EFCAB3: variants seen among roughly 807,000 people sequenced by gnomAD.
EFCAB3 encodes the protein EF-hand calcium-binding domain-containing protein 3.
Under a neutral mutation model 42.2 loss-of-function variants are expected in EFCAB3, and 36 were observed. The observed-to-expected ratio is 0.85, with a 90% CI of 0.65 to 1.13. The LOEUF is 1.13. Among genes scored for constraint, EFCAB3 ranks in the 50% most tolerant of loss-of-function variants. The pLI is 0.00. For synonymous variants in EFCAB3, 170 were observed against 172.8 expected (o/e 0.98, Z 0.13); for missense variants, 418 against 505.1 (o/e 0.83, Z 1.65).
intron 9 of EFCAB3, 55 bp downstream of exon 9, chr17:62,413,909 A>G (rs2070521948): frequency 1.3e-5 from 20 of 1,553,586 alleles, no homozygotes; most frequent in Non-Finnish European, 1.7e-5. Flanking sequence ...AATATTGTCC[A>G]CTTCAATACT....
At chr17:62,378,804 T>C (rs1216896123), upstream of EFCAB3, among the ~76,000 whole-genome samples, 6 of 151,752 alleles carry the variant, frequency 4.0e-5, no homozygotes, top group African/African-American at 1.5e-4. Context: ...GAGATAGCAT[T>C]AGGAGAAATA....
At chr17:62,399,188 C>CTTTT in intron 6 of EFCAB3, among the ~76,000 whole-genome samples, 1 of 146,978 alleles carries the variant, frequency 6.8e-6, no homozygotes, top group Non-Finnish European at 1.5e-5. Flanking sequence ...AAGCCAAAGT[C>CTTTT]TTTTTTTTTT....
intron 2 of EFCAB3, among the ~76,000 whole-genome samples, chr17:62,387,059 T>A (rs1202034349): frequency 6.6e-6 from 1 of 152,018 alleles, no homozygotes; most frequent in East Asian, 1.9e-4. Flanking sequence ...CCCAAAGGGG[T>A]AGGAGTACAG....
intron 2 of EFCAB3, among the ~76,000 whole-genome samples, chr17:62,386,797 G>GT (rs141144491): frequency 0.096 from 14,495 of 150,430 alleles, 910 homozygotes; most frequent in South Asian, 0.27. Flanking sequence ...TTTGGGGTTT[G>GT]TTTTTTTTTG....
At chr17:62,401,458 T>A (rs1271929858) in intron 6 of EFCAB3, among the ~76,000 whole-genome samples, 5 of 152,202 alleles carry the variant, frequency 3.3e-5, no homozygotes, top group Admixed American at 2.0e-4. Flanking sequence ...CTTGAATTAA[T>A]TTTTGTATAA....
chr17:62,379,056 G>C (rs911398802), upstream of EFCAB3, among the ~76,000 whole-genome samples: 1 of 152,108 alleles, frequency 6.6e-6, no homozygotes, highest in African/African-American at 2.4e-5. Context: ...ACAACCCACA[G>C]AATAGGGAAA....
chr17:62,396,282 C>T (rs1326215845), intron 6 of EFCAB3, among the ~76,000 whole-genome samples: 1 of 152,062 alleles, frequency 6.6e-6, no homozygotes, highest in Non-Finnish European at 1.5e-5. Flanking sequence ...CAGCTGGGCG[C>T]GGTGGCTCAT....
chr17:62,397,372 C>G (rs972921999), intron 6 of EFCAB3: 3 of 336,032 alleles, frequency 8.9e-6, no homozygotes, highest in African/African-American at 6.6e-5. Context: ...TTAGCTCTTT[C>G]ACTCAGGCCC....
rs2543428 is a variant in EFCAB3, at chr17:62,416,466, G to C, written c.*137G>C. The C allele has an allele frequency of 2.0e-6, 1 of 503,010 alleles. No individual in the cohort carries two copies. The highest frequency in any genetic ancestry group is 3.3e-6 in the Non-Finnish European group (1 of 303,998). The allele number at this position is 503,010 out of a possible 1,614,324, so 31.2% of individuals were successfully genotyped here. On this transcript the variant is annotated 3_prime_UTR_variant, in exon 10 of 10. Transcript: ENST00000305286. ...CTTTTGGATTCTGACCAGTAAAAAAGTTTAAGTCATAAAATGGTTTCCCTT... is the reference window on the plus strand; with the variant it reads ...CTTTTGGATTCTGACCAGTAAAAAACTTTAAGTCATAAAATGGTTTCCCTT...
chr17:62,410,455 G>T (rs570878402), intron 8 of EFCAB3, among the ~76,000 whole-genome samples: 3 of 151,972 alleles, frequency 2.0e-5, no homozygotes, highest in East Asian at 3.9e-4. Context: ...CTATGACCAC[G>T]TTAAAATATT....
At chr17:62,400,915 A>G (rs959300023) in intron 6 of EFCAB3, among the ~76,000 whole-genome samples, 1 of 152,104 alleles carries the variant, frequency 6.6e-6, no homozygotes, top group Admixed American at 6.6e-5. Flanking sequence ...CCTCTCCAGC[A>G]CCTGTTGTTT....
intron 1 of EFCAB3, 194 bp downstream of exon 1, chr17:62,380,807 G>A (rs780689861): frequency 3.9e-4 from 66 of 167,362 alleles, no homozygotes; most frequent in Admixed American, 3.5e-3. Context: ...CAGATTTTGA[G>A]GACTTGTAAT....
At chr17:62,381,817 G>T (rs878857765) in intron 1 of EFCAB3, 11 of 433,270 alleles carry the variant, frequency 2.5e-5, no homozygotes, top group African/African-American at 6.1e-5. Context: ...AATGGAAAAA[G>T]CATTGAAGAT....
At chr17:62,373,987 G>A (rs1052764181) in intron 2 of EFCAB3, 2 of 505,660 alleles carry the variant, frequency 4.0e-6, no homozygotes, top group Non-Finnish European at 6.7e-6. Flanking sequence ...TCTATATTTA[G>A]CAAATGAAAA....
intron 4 of EFCAB3, among the ~76,000 whole-genome samples, chr17:62,392,507 C>A (rs1420247604): frequency 1.3e-5 from 2 of 152,038 alleles, no homozygotes; most frequent in Non-Finnish European, 2.9e-5. Flanking sequence ...GACATGTTAC[C>A]AAGAGAATTC....
In EFCAB3 at chr17:62,380,601, G is replaced by A. The variant is rs547026482; in HGVS notation, c.-30G>A. On this transcript the variant is annotated 5_prime_UTR_variant, in exon 1 of 10. Coordinates refer to ENST00000305286, the MANE Select transcript of EFCAB3 (RefSeq NM_173503.4). ...GAAGCCCAGAAGTGGTAGGTAGCAC[G>A]GCTTAAAAGTAGGTAAATATCGTGA... 351 of 985,288 alleles carry A rather than the reference G, an allele frequency of 3.6e-4. No homozygotes were observed. The highest frequency in any genetic ancestry group is 1.5e-3 in the South Asian group (31 of 21,284). 61.0% of individuals were successfully genotyped at this position (985,288 alleles called of 1,614,324 possible). A position where few individuals can be genotyped will look rare whatever the true frequency, so the allele number is the denominator to read the frequency against.
At chr17:62,404,264 G>A (rs2070429948) in intron 6 of EFCAB3, among the ~76,000 whole-genome samples, 1 of 152,178 alleles carries the variant, frequency 6.6e-6, no homozygotes, top group South Asian at 2.1e-4. Context: ...AGCTTTGGGA[G>A]CCCAAAGCAG....
chr17:62,410,653 T>C (rs927779335), intron 8 of EFCAB3, among the ~76,000 whole-genome samples: 9 of 151,728 alleles, frequency 5.9e-5, no homozygotes, highest in African/African-American at 2.2e-4. Context: ...CATTCAAAAA[T>C]GTATTCAAAA....
At chr17:62,399,188 CT>C (rs67731944) in intron 6 of EFCAB3, among the ~76,000 whole-genome samples, 101,481 of 146,992 alleles carry the variant, frequency 0.69, 41,163 homozygotes, top group Non-Finnish European at 0.92. Context: ...AAGCCAAAGT[CT>C]TTTTTTTTTT....
Sources: allele counts gnomAD v4.1 joint callset (sites outside exome capture counted in the v4.1 genomes callset), GRCh38; gene constraint gnomAD v4.1.1; transcripts MANE v1.5; gene names NCBI Gene and HGNC (gene_info 2026-07-23, HGNC 2026-07-21).